Variants in BPGM observed in about 807,000 individuals in gnomAD.
BPGM encodes the protein 2,3-bisphosphoglycerate mutase, erythrocyte.
BPGM carries 15 observed loss-of-function variants against 21.6 expected under a neutral mutation model. That is an observed-to-expected ratio of 0.70 (90% CI 0.47 to 1.07). BPGM has a LOEUF of 1.07. BPGM is among the 50% of genes least tolerant of loss of function. The pLI is 0.00. For synonymous variants in BPGM, 113 were observed against 116.2 expected, an observed-to-expected ratio of 0.97 and a Z score of 0.18; for missense variants, 273 against 319.0, an observed-to-expected ratio of 0.86 and a Z score of 1.10.
At chr7:134,656,929 T>C (rs1162115002) in intron 1 of BPGM, among the ~76,000 whole-genome samples, 4 of 152,170 alleles carry the variant, frequency 2.6e-5, no homozygotes, top group Non-Finnish European at 4.4e-5. Flanking sequence ...GCCTAGAAAA[T>C]TGAAAGCAAG....
At chr7:134,647,342 A>C (rs190310532) in intron 1 of BPGM, 1 of 152,132 alleles carries the variant, frequency 6.6e-6, no homozygotes, top group East Asian at 1.9e-4. Context: ...GTTCTGGCAG[A>C]CCTGGCCCTA....
At chr7:134,672,228 C>T (rs895047221) in intron 2 of BPGM, among the ~76,000 whole-genome samples, 1 of 151,912 alleles carries the variant, frequency 6.6e-6, no homozygotes, top group Non-Finnish European at 1.5e-5. Flanking sequence ...CATGAAGATT[C>T]GATACTTAAA....
chr7:134,663,843 A>T (rs1795774488), intron 2 of BPGM, among the ~76,000 whole-genome samples: 1 of 152,140 alleles, frequency 6.6e-6, no homozygotes, highest in Non-Finnish European at 1.5e-5. Flanking sequence ...CTACAGCCCA[A>T]CCACAGCTCA....
At chr7:134,665,221 G>T (rs924400024) in intron 2 of BPGM, among the ~76,000 whole-genome samples, 23 of 152,184 alleles carry the variant, frequency 1.5e-4, no homozygotes, top group African/African-American at 5.5e-4. Flanking sequence ...ATGCATGGCT[G>T]TGGAGTGTAG....
intron 2 of BPGM, among the ~76,000 whole-genome samples, chr7:134,669,909 C>T (rs563237642): frequency 2.6e-5 from 4 of 152,208 alleles, no homozygotes; most frequent in Non-Finnish European, 5.9e-5. Flanking sequence ...CTGGTTCAGA[C>T]ACACTTCTCA....
chr7:134,659,894 G>C (rs1795702990), intron 1 of BPGM, among the ~76,000 whole-genome samples: 1 of 152,168 alleles, frequency 6.6e-6, no homozygotes, highest in Non-Finnish European at 1.5e-5. Context: ...GGAAATGACT[G>C]ATATTCAGTA....
intron 1 of BPGM, among the ~76,000 whole-genome samples, chr7:134,651,361 T>C (rs1202547813): frequency 1.3e-5 from 2 of 152,166 alleles, no homozygotes; most frequent in African/African-American, 4.8e-5. Context: ...TAGGCATTAT[T>C]AACTTTCAAA....
Position 134,661,416 on chromosome 7 carries a change from T to C in BPGM, c.-61-31T>C. On this transcript the variant is annotated intron_variant, in intron 1 of 2. Coordinates refer to ENST00000344924, the MANE Select transcript of BPGM (RefSeq NM_001724.5). The surrounding 1 kb of genome is among the most constrained non-coding windows in gnomAD (Gnocchi z 4.6). The stretch of plus-strand genomic sequence containing the variant: ...CTATTCCTAGATTGTCAGTTGAATA[T>C]AACTTAGACTTGTTGTTCTTGTCTT... 3 of 1,564,178 alleles carry C rather than the reference T, an allele frequency of 1.9e-6. No homozygotes were observed. The highest frequency in any genetic ancestry group is 2.6e-6 in the Non-Finnish European group (3 of 1,140,032).
In BPGM at chr7:134,678,892, C is replaced by A. The variant is rs752649971; in HGVS notation, c.641C>A (p.Thr214Asn). 6.8e-6 allele frequency: 11 copies of A among 1,614,082 alleles called. No homozygotes were observed. The South Asian group carries it at 9.9e-5, about 14-fold the overall frequency. The change falls in exon 3 of 3, where the codon ACT becomes AAT. Residue 214 changes from threonine to asparagine, a missense_variant. Transcript: ENST00000344924. ...GACATCATCAACATTACTCTTCCTACTGGAGTCCCCATTCTTCTGGAATTG... is the reference window on the plus strand; with the variant it reads ...GACATCATCAACATTACTCTTCCTAATGGAGTCCCCATTCTTCTGGAATTG... ...DEDIINITLP[T>N]GVPILLELDE...
chr7:134,647,455 A>G (rs1422004691), intron 1 of BPGM, among the ~76,000 whole-genome samples: 1 of 152,234 alleles, frequency 6.6e-6, no homozygotes, highest in East Asian at 1.9e-4. Flanking sequence ...CCAAATCACA[A>G]GTTCTTAGAA....
chr7:134,649,861 C>T (rs755705234), intron 1 of BPGM, among the ~76,000 whole-genome samples: 60 of 152,294 alleles, frequency 3.9e-4, no homozygotes, highest in Non-Finnish European at 6.9e-4. Context: ...TTATTCCCAG[C>T]TTTCGCTTCT....
At chr7:134,663,572 C>T (rs1795770174) in intron 2 of BPGM, among the ~76,000 whole-genome samples, 1 of 152,188 alleles carries the variant, frequency 6.6e-6, no homozygotes, top group Non-Finnish European at 1.5e-5. Context: ...TACTAGACAA[C>T]AACAAACTGA....
chr7:134,650,294 T>C (rs1795536126), intron 1 of BPGM, among the ~76,000 whole-genome samples: 1 of 152,184 alleles, frequency 6.6e-6, no homozygotes, highest in South Asian at 2.1e-4. Context: ...ACATGCAACA[T>C]GCCCTGAGCA....
At position 134,679,111 on chromosome 7, in the gene BPGM, T is replaced by G; in HGVS notation, c.*80T>G. 1 of 1,476,780 alleles carries G rather than the reference T, an allele frequency of 6.8e-7. No homozygotes were observed. The highest frequency in any genetic ancestry group is 1.2e-5 in the South Asian group (1 of 85,152). The allele number at this position is 1,476,780 out of a possible 1,614,324, so 91.5% of individuals were successfully genotyped here. On this transcript the variant is annotated 3_prime_UTR_variant, in exon 3 of 3. Transcript: ENST00000344924. ...TTATGGGTGCTGAACTCTCTCTCTT[T>G]TTCCCCGATTTTCCAGAGCTAGGCT... is the stretch of plus-strand genomic sequence containing the variant.
chr7:134,670,611 A>C (rs896670378), intron 2 of BPGM, among the ~76,000 whole-genome samples: 1 of 129,024 alleles, frequency 7.8e-6, no homozygotes, highest in African/African-American at 3.2e-5. Flanking sequence ...TCAGATCTTA[A>C]AGAATTAAAA....
At chr7:134,662,628 C>T (rs1013777898) in intron 2 of BPGM, among the ~76,000 whole-genome samples, 1 of 152,190 alleles carries the variant, frequency 6.6e-6, no homozygotes, top group African/African-American at 2.4e-5. Context: ...GTTCTTCCAA[C>T]TTTAAACAAT....
Position 134,662,234 on chromosome 7 carries a change from T to C in BPGM, c.601+126T>C, listed in dbSNP as rs76911408. 2.3e-4 allele frequency: 307 copies of C among 1,316,934 alleles called. No individual in the cohort carries two copies. In the African/African-American group the frequency reaches 4.2e-3, roughly 18 times the overall value. The allele number at this position is 1,316,934 out of a possible 1,614,324, so 81.6% of individuals were successfully genotyped here. A position where few individuals can be genotyped will look rare whatever the true frequency, so the allele number is the denominator to read the frequency against. On this transcript the variant is annotated intron_variant, in intron 2 of 2. Coordinates refer to ENST00000344924, the MANE Select transcript of BPGM (RefSeq NM_001724.5). Reference sequence around the variant, plus strand: ...CTCTATCCCCCTTTGTCACTTCAGATTTAAGAATTGTCTTGTTCTATAAAT... The same window carrying C: ...CTCTATCCCCCTTTGTCACTTCAGACTTAAGAATTGTCTTGTTCTATAAAT...
Position 134,679,490 on chromosome 7 carries a change from C to T in BPGM, c.*459C>T, listed in dbSNP as rs1796032092. ...ATGTATTTATTACTAGTCTTTTCCT[C>T]TAGGAAAAGGGATACTTTGATAATT... is the stretch of plus-strand genomic sequence containing the variant. On this transcript the variant is annotated 3_prime_UTR_variant, in exon 3 of 3. Coordinates refer to ENST00000344924, the MANE Select transcript of BPGM (RefSeq NM_001724.5). 1 of 156,128 alleles carries T rather than the reference C, an allele frequency of 6.4e-6. No homozygotes were observed. The highest frequency in any genetic ancestry group is 1.4e-5 in the Non-Finnish European group (1 of 70,298). The allele number at this position is 156,128 out of a possible 1,614,324, so 9.7% of individuals were successfully genotyped here.
intron 2 of BPGM, among the ~76,000 whole-genome samples, chr7:134,674,452 G>T (rs190100821): frequency 1.0e-3 from 159 of 152,222 alleles, no homozygotes; most frequent in Non-Finnish European, 1.9e-3. Flanking sequence ...TCTACTTTGT[G>T]TCACTATAGA....
Sources: gnomAD v4.1 joint callset for allele counts (sites outside exome capture counted in the v4.1 genomes callset) on GRCh38, gnomAD v4.1.1 for gene constraint, Gnocchi (gnomAD v3.1) non-coding constraint, MANE v1.5 for transcripts, NCBI Gene and HGNC (gene_info 2026-07-23, HGNC 2026-07-21) for gene names.